Variants in IL1RAPL1 observed in about 807,000 individuals in gnomAD.
IL1RAPL1 encodes the protein interleukin 1 receptor accessory protein like 1.
A neutral mutation model predicts 48.4 loss-of-function variants in IL1RAPL1; 3 were observed. The ratio of observed to expected loss-of-function variants is 0.06; its 90% CI spans 0.03 to 0.16. The LOEUF is 0.16. IL1RAPL1 is among the 10% of genes least tolerant of loss of function. IL1RAPL1 has a pLI of 1.00. For missense variants in IL1RAPL1, 349 were observed against 530.6 expected (o/e 0.66, Z 3.36); for synonymous variants, 185 against 187.7 (o/e 0.99, Z 0.12).
chrX:28,818,386 C>T (rs1420291757), intron 2 of IL1RAPL1, among the ~76,000 whole-genome samples: 5 of 110,307 alleles, frequency 4.5e-5, no homozygotes, highest in African/African-American at 1.3e-4. Context: ...CAATTAAGAG[C>T]GTGGAAAATC....
rs1936507959 is a variant in IL1RAPL1 at position 28,789,248 on chromosome X, A to G, written c.-24-72A>G. 2.9e-5 allele frequency: 17 copies of G among 577,062 alleles called. No individual in the cohort carries two copies. The South Asian group carries it at 4.1e-4, about 14-fold the overall frequency. 47.6% of individuals were successfully genotyped at this position (577,062 alleles called of 1,213,427 possible). On this transcript the variant is annotated intron_variant, in intron 1 of 10. Coordinates refer to ENST00000378993, the MANE Select transcript of IL1RAPL1 (RefSeq NM_014271.4). ...GCACCGATCATGTTTGATCAAAGTTATGAAACTCTAATAATATTGCTATCT... is the reference window on the plus strand; with the variant it reads ...GCACCGATCATGTTTGATCAAAGTTGTGAAACTCTAATAATATTGCTATCT...
chrX:29,517,268 A>G (rs1935455794), intron 5 of IL1RAPL1, among the ~76,000 whole-genome samples: 1 of 110,520 alleles, frequency 9.0e-6, no homozygotes, highest in Non-Finnish European at 1.9e-5. Context: ...AATTATTAGG[A>G]TATATATTTC....
At chrX:29,920,175 T>G in intron 8 of IL1RAPL1, 81 bp downstream of exon 8, 2 of 1,119,811 alleles carry the variant, frequency 1.8e-6, no homozygotes, top group Non-Finnish European at 2.4e-6. Flanking sequence ...GAAACAAATT[T>G]AGTTTTGTTT....
At chrX:28,779,634 GTATATATATATATATATATA>G (rs1183080798) in intron 1 of IL1RAPL1, among the ~76,000 whole-genome samples, 8 of 38,322 alleles carry the variant, frequency 2.1e-4, no homozygotes, top group South Asian at 1.7e-3. Flanking sequence ...GTGTGTGTGT[GTATATATATATATATATATA>G]TATATATATA....
chrX:29,494,472 G>T (rs1483167041), intron 5 of IL1RAPL1, among the ~76,000 whole-genome samples: 1 of 111,768 alleles, frequency 8.9e-6, no homozygotes, highest in Non-Finnish European at 1.9e-5. Flanking sequence ...AATGTATATT[G>T]TTAGGTTTAA....
At chrX:28,779,634 GTATATATATATATATATATATATATATA>G (rs1183080798) in intron 1 of IL1RAPL1, among the ~76,000 whole-genome samples, 37 of 38,322 alleles carry the variant, frequency 9.7e-4, no homozygotes, top group South Asian at 3.4e-3. Context: ...GTGTGTGTGT[GTATATATATATATATATATATATATATA>G]TATATATATA....
At chrX:28,590,747 C>T (rs996032579) in intron 1 of IL1RAPL1, among the ~76,000 whole-genome samples, 2 of 111,376 alleles carry the variant, frequency 1.8e-5, no homozygotes, top group African/African-American at 6.5e-5. Context: ...TGTTTTCTGA[C>T]GTAAGCCACA....
intron 2 of IL1RAPL1, among the ~76,000 whole-genome samples, chrX:29,232,143 A>G (rs1463301269): frequency 8.9e-6 from 1 of 111,801 alleles, no homozygotes; most frequent in African/African-American, 3.2e-5. Flanking sequence ...TACATTAAAT[A>G]TATATTAAAT....
chrX:29,297,406 A>G (rs977356268), intron 3 of IL1RAPL1, among the ~76,000 whole-genome samples: 8 of 112,427 alleles, frequency 7.1e-5, no homozygotes, highest in Non-Finnish European at 1.1e-4. Context: ...TCCATTCCCA[A>G]TGTCACTACG....
chrX:28,725,152 G>T (rs950853332), intron 1 of IL1RAPL1, among the ~76,000 whole-genome samples: 1 of 109,227 alleles, frequency 9.2e-6, no homozygotes, highest in Admixed American at 9.8e-5. Flanking sequence ...AGGTTTCACC[G>T]TGTTAGCAAG....
intron 5 of IL1RAPL1, among the ~76,000 whole-genome samples, chrX:29,416,488 A>G (rs1361762277): frequency 4.5e-5 from 5 of 110,843 alleles, no homozygotes; most frequent in African/African-American, 9.8e-5. Context: ...AGTGAGCCAA[A>G]ATCGCGCCAC....
chrX:29,754,941 G>A (rs1386426101), intron 6 of IL1RAPL1, among the ~76,000 whole-genome samples: 6 of 112,550 alleles, frequency 5.3e-5, no homozygotes, highest in Non-Finnish European at 1.1e-4. Context: ...TCTCATAGAT[G>A]GCAATAAAGG....
At chrX:29,289,193 T>G (rs932465116) in intron 3 of IL1RAPL1, among the ~76,000 whole-genome samples, 1 of 112,287 alleles carries the variant, frequency 8.9e-6, no homozygotes, top group Admixed American at 9.5e-5. Flanking sequence ...ATTTTTGCTT[T>G]TGTCGCAATT....
At chrX:29,409,824 T>TC (rs902224731) in intron 5 of IL1RAPL1, among the ~76,000 whole-genome samples, 1 of 99,033 alleles carries the variant, frequency 1.0e-5, no homozygotes, top group Non-Finnish European at 2.0e-5. Context: ...TAAATTCTTT[T>TC]TTTTTTTTTT....
intron 8 of IL1RAPL1, among the ~76,000 whole-genome samples, chrX:29,932,070 A>G (rs984090670): frequency 8.9e-6 from 1 of 112,251 alleles, no homozygotes; most frequent in Non-Finnish European, 1.9e-5. Context: ...GTTTGTTATT[A>G]TAACAGTATC....
intron 5 of IL1RAPL1, among the ~76,000 whole-genome samples, chrX:29,420,304 G>A (rs889491785): frequency 1.2e-4 from 14 of 112,619 alleles, no homozygotes; most frequent in Non-Finnish European, 1.7e-4. Flanking sequence ...GAATAAAAGA[G>A]AAATTTATTG....
At chrX:29,420,466 A>G (rs999707500) in intron 5 of IL1RAPL1, among the ~76,000 whole-genome samples, 8 of 112,179 alleles carry the variant, frequency 7.1e-5, no homozygotes, top group Non-Finnish European at 1.1e-4. Flanking sequence ...AGCCAAATCA[A>G]AAACCCATCT....
chrX:29,834,631 G>A (rs1930954805), intron 6 of IL1RAPL1, among the ~76,000 whole-genome samples: 1 of 108,073 alleles, frequency 9.3e-6, no homozygotes, highest in African/African-American at 3.4e-5. Flanking sequence ...TTCCAGGATA[G>A]CCCTGCTTCA....
chrX:29,811,743 C>T (rs1364966848), intron 6 of IL1RAPL1, among the ~76,000 whole-genome samples: 6 of 111,848 alleles, frequency 5.4e-5, no homozygotes, highest in African/African-American at 1.9e-4. Context: ...TGAAAACTTA[C>T]CAAATTATAC....
Sources: allele counts gnomAD v4.1 joint callset (sites outside exome capture counted in the v4.1 genomes callset), GRCh38; gene constraint gnomAD v4.1.1; transcripts MANE v1.5; gene names NCBI Gene and HGNC (gene_info 2026-07-23, HGNC 2026-07-21).